RABGEF1: variants seen among roughly 807,000 people sequenced by gnomAD.
RABGEF1 encodes RAB guanine nucleotide exchange factor 1.
In RABGEF1, 26 loss-of-function variants were observed where a neutral mutation model predicts 57.3. That is an observed-to-expected ratio of 0.45 (90% CI 0.33 to 0.63). The LOEUF is 0.63. Among genes scored for constraint, RABGEF1 ranks in the 20% least tolerant of loss-of-function variants. RABGEF1 has a pLI of 0.02. For missense variants in RABGEF1, 464 were observed against 607.6 expected (o/e 0.76, Z 2.48); for synonymous variants, 185 against 210.7 (o/e 0.88, Z 1.06).
At chr7:66,714,827 C>T (rs1278383838) in intron 2 of RABGEF1, among the ~76,000 whole-genome samples, 3 of 152,062 alleles carry the variant, frequency 2.0e-5, no homozygotes, top group African/African-American at 4.8e-5. Context: ...TCCAGCTACT[C>T]GAGAGGCTGA....
chr7:66,795,537 G>T lies in RABGEF1; in HGVS notation c.540G>T (p.Glu180Asp). Residue 180 changes from glutamate to aspartate, a missense_variant, in exon 5 of 9, where the codon GAG (glutamate) becomes GAT (aspartate). Around this residue, in one of 4 missense-constraint regions of RABGEF1, gnomAD observed 284 missense variants for 389.9 expected, o/e 0.73. Transcript: ENST00000284957. ...KRDLSIEEQS[E>D]CAQDFYHNVA... is the part of the protein sequence containing the mutation. ...ATCTAAGCATTGAAGAACAGTCAGA[G>T]TGTGCTCAGGATTTCTACCACAATG... The T allele has an allele frequency of 6.2e-7, 1 of 1,612,260 alleles. No individual in the cohort carries two copies. The highest frequency in any genetic ancestry group is 1.3e-5 in the African/African-American group (1 of 75,016).
At chr7:66,758,718 C>T (rs1172072258) in intron 1 of RABGEF1, among the ~76,000 whole-genome samples, 1 of 152,208 alleles carries the variant, frequency 6.6e-6, no homozygotes, top group East Asian at 1.9e-4. Context: ...ACAGCTGTCA[C>T]CACCACCACA....
chr7:66,758,209 T>G (rs1803269789), intron 1 of RABGEF1, among the ~76,000 whole-genome samples: 1 of 152,124 alleles, frequency 6.6e-6, no homozygotes, highest in Non-Finnish European at 1.5e-5. Context: ...GCAAAGTATT[T>G]TCGTTTTGCT....
At chr7:66,656,847 C>G in the RABGEF1 span, among the ~76,000 whole-genome samples, 1 of 141,992 alleles carries the variant, frequency 7.0e-6, no homozygotes, top group Non-Finnish European at 1.5e-5. Flanking sequence ...AAAAAGTAAC[C>G]AAATGAGACC....
chr7:66,695,654 G>T (rs1197459619), intron 1 of RABGEF1, among the ~76,000 whole-genome samples: 4 of 151,712 alleles, frequency 2.6e-5, no homozygotes, highest in Non-Finnish European at 5.9e-5. Flanking sequence ...GGTGGCTCAC[G>T]CCTATAATCC....
chr7:66,678,582 AAAG>A (rs1789472597), upstream of RABGEF1, among the ~76,000 whole-genome samples: 2 of 150,692 alleles, frequency 1.3e-5, no homozygotes, highest in Non-Finnish European at 3.0e-5. Flanking sequence ...AAAAAAAAAA[AAAG>A]AAAAGGTAAT....
At chr7:66,715,387 T>A (rs1235650370) in intron 2 of RABGEF1, among the ~76,000 whole-genome samples, 1 of 152,184 alleles carries the variant, frequency 6.6e-6, no homozygotes, top group Non-Finnish European at 1.5e-5. Flanking sequence ...CACCTTGGCC[T>A]CCCAACATGT....
At chr7:66,686,280 CA>C (rs1435924070) in intron 1 of RABGEF1, among the ~76,000 whole-genome samples, 4,282 of 94,184 alleles carry the variant, frequency 0.045, 84 homozygotes, top group East Asian at 0.12. Flanking sequence ...GACTCTGTCT[CA>C]AAAAAAAAAA....
chr7:66,690,833 C>T (rs1791411288), intron 1 of RABGEF1, among the ~76,000 whole-genome samples: 1 of 151,820 alleles, frequency 6.6e-6, no homozygotes, highest in Non-Finnish European at 1.5e-5. Context: ...CCTAAAATTC[C>T]AGCACTTTGG....
At chr7:66,795,318 A>T (rs148302516) in intron 4 of RABGEF1, among the ~76,000 whole-genome samples, 193 bp from the exon 5 acceptor site, 121 of 152,312 alleles carry the variant, frequency 7.9e-4, no homozygotes, top group African/African-American at 2.8e-3. Flanking sequence ...ACTAAGGAAA[A>T]GTCCGGCAAC....
chr7:66,705,285 A>G (rs1397243953), intron 1 of RABGEF1, among the ~76,000 whole-genome samples: 1 of 151,954 alleles, frequency 6.6e-6, no homozygotes, highest in Non-Finnish European at 1.5e-5. Context: ...GCCTGTCCCA[A>G]AAATGAACAT....
intron 1 of RABGEF1, among the ~76,000 whole-genome samples, chr7:66,702,682 G>A (rs1793472696): frequency 6.6e-6 from 1 of 152,136 alleles, no homozygotes; most frequent in African/African-American, 2.4e-5. Flanking sequence ...TGGGTATGAA[G>A]TGGTGTCTTA....
At chr7:66,739,649 G>A (rs1332043525), upstream of RABGEF1, among the ~76,000 whole-genome samples, 2 of 100,456 alleles carry the variant, frequency 2.0e-5, no homozygotes, top group East Asian at 3.0e-4. Context: ...GCGACAGAGT[G>A]AGAGTCTCAA....
At chr7:66,704,250 A>G (rs1258505206) in intron 1 of RABGEF1, among the ~76,000 whole-genome samples, 1 of 152,172 alleles carries the variant, frequency 6.6e-6, no homozygotes, top group African/African-American at 2.4e-5. Flanking sequence ...CCTAACCAAA[A>G]TTTAACAGGT....
At chr7:66,712,777 TC>T (rs756312293) in intron 2 of RABGEF1, among the ~76,000 whole-genome samples, 182 of 150,886 alleles carry the variant, frequency 1.2e-3, no homozygotes, top group Admixed American at 1.9e-3. Context: ...CCAGCCTCTT[TC>T]TGAAGATTTC....
chr7:66,774,562 G>A (rs778005567), intron 2 of RABGEF1, among the ~76,000 whole-genome samples: 11 of 152,180 alleles, frequency 7.2e-5, no homozygotes, highest in Non-Finnish European at 1.2e-4. Context: ...CACATTTGTA[G>A]TTCCTTCTTT....
chr7:66,712,646 A>G (rs1050600774), intron 2 of RABGEF1, among the ~76,000 whole-genome samples: 3 of 151,450 alleles, frequency 2.0e-5, no homozygotes, highest in African/African-American at 7.3e-5. Context: ...AATTTTTTGT[A>G]TCGTTGGTAG....
intron 2 of RABGEF1, among the ~76,000 whole-genome samples, chr7:66,731,464 C>A (rs1182680196): frequency 1.3e-5 from 2 of 152,060 alleles, no homozygotes; most frequent in Non-Finnish European, 2.9e-5. Context: ...CACCTGTAAT[C>A]TCAGCAGTTT....
upstream of RABGEF1, among the ~76,000 whole-genome samples, chr7:66,736,911 C>T (rs144000395): frequency 4.7e-4 from 71 of 152,256 alleles, no homozygotes; most frequent in Middle Eastern, 3.4e-3. Context: ...ATTATACACA[C>T]ATGCACAGAC....
Sources: gnomAD v4.1 joint callset for allele counts (sites outside exome capture counted in the v4.1 genomes callset) on GRCh38, gnomAD v4.1.1 for gene constraint, gnomAD v4.1.1 regional missense constraint, MANE v1.5 for transcripts, NCBI Gene and HGNC (gene_info 2026-07-23, HGNC 2026-07-21) for gene names.